SOX5: variants seen among roughly 807,000 people sequenced by gnomAD.
SOX5 encodes transcription factor SOX-5.
Under a neutral mutation model 92.0 loss-of-function variants are expected in SOX5, and 9 were observed. The observed-to-expected ratio is 0.10, with a 90% CI of 0.06 to 0.17. The LOEUF is 0.17. Among genes scored for constraint, SOX5 ranks in the 10% least tolerant of loss-of-function variants. The pLI, the probability that SOX5 is intolerant of heterozygous loss-of-function variation, is 1.00. For synonymous variants in SOX5, 344 were observed against 336.3 expected (o/e 1.02, Z -0.25); for missense variants, 642 against 944.5 (o/e 0.68, Z 4.20).
At chr12:23,619,205 T>A (rs1169319397) in intron 8 of SOX5, among the ~76,000 whole-genome samples, 2 of 152,184 alleles carry the variant, frequency 1.3e-5, no homozygotes, top group Non-Finnish European at 1.5e-5. Context: ...ATATTAGTTT[T>A]GGCTCTTTGA....
chr12:23,589,931 A>G (rs907234049), intron 9 of SOX5, among the ~76,000 whole-genome samples: 6 of 152,150 alleles, frequency 3.9e-5, no homozygotes, highest in Middle Eastern at 3.4e-3. Flanking sequence ...ACTGAGGATC[A>G]TACAAAGGAA....
chr12:23,719,774 C>A (rs1421262806), intron 6 of SOX5, among the ~76,000 whole-genome samples: 6 of 120,898 alleles, frequency 5.0e-5, no homozygotes, highest in African/African-American at 1.9e-4. Flanking sequence ...TCAAAAAAAA[C>A]CCCAGCTATT....
chr12:24,182,572 T>A (rs1253117770), intron 4 of SOX5, among the ~76,000 whole-genome samples: 1 of 152,104 alleles, frequency 6.6e-6, no homozygotes, highest in East Asian at 1.9e-4. Flanking sequence ...TGGGACTCTT[T>A]TTTTTTTTCC....
intron 4 of SOX5, among the ~76,000 whole-genome samples, chr12:24,009,173 A>T (rs969570180): frequency 1.3e-5 from 2 of 152,192 alleles, no homozygotes; most frequent in Admixed American, 6.5e-5. Flanking sequence ...CCCTGCTGTG[A>T]TCTGACTACA....
At chr12:23,580,592 T>C (rs1188976130) in intron 9 of SOX5, among the ~76,000 whole-genome samples, 2 of 152,004 alleles carry the variant, frequency 1.3e-5, no homozygotes, top group East Asian at 3.8e-4. Flanking sequence ...TTTTATATAA[T>C]CAAATACAAG....
chr12:24,012,400 A>G (rs1488633995), intron 4 of SOX5, among the ~76,000 whole-genome samples: 1 of 152,208 alleles, frequency 6.6e-6, no homozygotes, highest in African/African-American at 2.4e-5. Flanking sequence ...GAAATTTCAT[A>G]TGACACGGAA....
intron 2 of SOX5, among the ~76,000 whole-genome samples, chr12:24,297,942 T>C (rs918906221): frequency 3.3e-5 from 5 of 152,314 alleles, no homozygotes; most frequent in African/African-American, 7.2e-5. Context: ...TTATTGACTA[T>C]ATATGTAGGT....
intron 2 of SOX5, among the ~76,000 whole-genome samples, chr12:24,312,085 A>G (rs1436747094): frequency 6.6e-6 from 1 of 152,214 alleles, no homozygotes; most frequent in Non-Finnish European, 1.5e-5. Context: ...AATAAAACAT[A>G]ACTTCTTTTC....
At chr12:24,441,889 C>A (rs1023234988) in intron 1 of SOX5, among the ~76,000 whole-genome samples, 64 of 152,012 alleles carry the variant, frequency 4.2e-4, no homozygotes, top group African/African-American at 1.5e-3. Context: ...AGAAAATGGG[C>A]AAATATGTCT....
intron 4 of SOX5, among the ~76,000 whole-genome samples, chr12:24,077,538 C>T (rs938991812): frequency 6.6e-5 from 10 of 151,496 alleles, no homozygotes; most frequent in African/African-American, 2.4e-4. Flanking sequence ...ACGATCAAAC[C>T]CTTACTAGAT....
chr12:23,713,659 G>GTA (rs1429953301), intron 6 of SOX5, among the ~76,000 whole-genome samples: 1 of 149,216 alleles, frequency 6.7e-6, no homozygotes, highest in African/African-American at 2.4e-5. Context: ...GTGTGTGTGT[G>GTA]TGTGTATGTG....
At chr12:24,452,541 T>C (rs540045191) in intron 1 of SOX5, among the ~76,000 whole-genome samples, 14 of 152,048 alleles carry the variant, frequency 9.2e-5, no homozygotes, top group Non-Finnish European at 2.1e-4. Context: ...TAGGAAATCA[T>C]TGGAATTTAA....
intron 6 of SOX5, among the ~76,000 whole-genome samples, chr12:23,704,826 C>A (rs934048904): frequency 1.1e-4 from 17 of 150,630 alleles, no homozygotes; most frequent in Non-Finnish European, 2.5e-4. Context: ...ATTCGTTATA[C>A]ACACTTGTAA....
At chr12:24,041,012 TA>T (rs1956470349) in intron 4 of SOX5, among the ~76,000 whole-genome samples, 1 of 152,224 alleles carries the variant, frequency 6.6e-6, no homozygotes. Context: ...AACAAGCACT[TA>T]ATAAGTTAAA....
chr12:24,236,962 A>C (rs1964638157), intron 3 of SOX5, among the ~76,000 whole-genome samples: 1 of 152,200 alleles, frequency 6.6e-6, no homozygotes, highest in African/African-American at 2.4e-5. Context: ...TAGAAGCCTA[A>C]AACAGGGCAT....
intron 3 of SOX5, among the ~76,000 whole-genome samples, chr12:23,825,599 G>A (rs1171501864): frequency 2.0e-5 from 3 of 152,218 alleles, no homozygotes; most frequent in African/African-American, 4.8e-5. Flanking sequence ...GAAAAATTTC[G>A]GAGATCCGAC....
intron 4 of SOX5, among the ~76,000 whole-genome samples, chr12:24,101,693 T>C (rs1480917521): frequency 6.6e-6 from 1 of 152,182 alleles, no homozygotes; most frequent in Non-Finnish European, 1.5e-5. Context: ...CTCTTTCCTC[T>C]GCAGATTCAC....
In SOX5 at chr12:24,271,716, C is replaced by T. The variant is rs142684274; in HGVS notation, c.-77+5500G>A. On this transcript the variant is annotated intron_variant, in intron 3 of 4. Coordinates refer to the SOX5 transcript ENST00000446891. The stretch of plus-strand genomic sequence containing the variant: ...GGAAAATGAATTTTCTCAGTATCCA[C>T]GTATTAAAAATTTATTTCTCCACTT... 8.5e-3 allele frequency among the ~76,000 whole-genome samples: 1,300 copies of T among 152,204 alleles called. 7 individuals carry two copies. Among genetic ancestry groups the T allele is most frequent in the Middle Eastern group, 0.017 (5 of 294 alleles).
intron 2 of SOX5, among the ~76,000 whole-genome samples, chr12:24,306,192 C>T (rs561696457): frequency 5.6e-4 from 86 of 152,220 alleles, no homozygotes; most frequent in African/African-American, 2.0e-3. Flanking sequence ...GGAAAGTGGG[C>T]GTTTGCTGTT....
Sources: gnomAD v4.1 joint callset for allele counts (sites outside exome capture counted in the v4.1 genomes callset) on GRCh38, gnomAD v4.1.1 for gene constraint, MANE v1.5 for transcripts, NCBI Gene and HGNC (gene_info 2026-07-23, HGNC 2026-07-21) for gene names.